PARM1: variants seen among roughly 807,000 people sequenced by gnomAD.
The protein encoded by PARM1 is WSC4, cell wall integrity and stress response component 4 homolog.
A neutral mutation model predicts 24.6 loss-of-function variants in PARM1; 14 were observed. The ratio of observed to expected loss-of-function variants is 0.57; its 90% CI spans 0.38 to 0.89. The LOEUF is 0.89. Ranked by LOEUF, PARM1 falls within the 40% of genes least tolerant of loss-of-function variation. The probability of loss-of-function intolerance (pLI) is 0.00; values close to 1 mark genes in which losing one functional copy is unlikely to be tolerated. For missense variants in PARM1, 362 were observed against 380.4 expected, an observed-to-expected ratio of 0.95 and a Z score of 0.40; for synonymous variants, 179 against 156.6, an observed-to-expected ratio of 1.14 and a Z score of -1.07.
intron 3 of PARM1, among the ~76,000 whole-genome samples, chr4:75,045,182 CA>C (rs1723576646): frequency 6.6e-6 from 1 of 152,118 alleles, no homozygotes; most frequent in South Asian, 2.1e-4. Flanking sequence ...ACAGTCAGTG[CA>C]AAGGCCCTGA....
chr4:74,976,018 A>G (rs550914481), intron 1 of PARM1, among the ~76,000 whole-genome samples: 122 of 152,284 alleles, frequency 8.0e-4, no homozygotes, highest in African/African-American at 2.8e-3. Flanking sequence ...CCTACCCCCA[A>G]CCAAGGGAGG....
intron 1 of PARM1, among the ~76,000 whole-genome samples, chr4:74,984,654 G>A (rs888422358): frequency 2.6e-5 from 4 of 152,192 alleles, no homozygotes; most frequent in Non-Finnish European, 4.4e-5. Context: ...AAAGCATTAA[G>A]TGTAAGAATA....
At chr4:74,995,571 C>T (rs1722559837) in intron 1 of PARM1, among the ~76,000 whole-genome samples, 1 of 152,108 alleles carries the variant, frequency 6.6e-6, no homozygotes, top group South Asian at 2.1e-4. Context: ...ACGGGGTAGT[C>T]TGGCTCCAGA....
chr4:75,001,751 A>G (rs1483097905), intron 1 of PARM1, among the ~76,000 whole-genome samples: 1 of 152,200 alleles, frequency 6.6e-6, no homozygotes, highest in Non-Finnish European at 1.5e-5. Context: ...AGGCACATCA[A>G]TATTACAGAT....
chr4:74,995,903 A>T (rs757325845), intron 1 of PARM1, among the ~76,000 whole-genome samples: 1 of 152,142 alleles, frequency 6.6e-6, no homozygotes, highest in African/African-American at 2.4e-5. Flanking sequence ...CACGTGTCTT[A>T]CAAGGCCCTA....
intron 2 of PARM1, among the ~76,000 whole-genome samples, chr4:75,020,816 C>A (rs1187124237): frequency 6.6e-6 from 1 of 152,166 alleles, no homozygotes; most frequent in East Asian, 1.9e-4. Flanking sequence ...TTCTCACAAC[C>A]CATCACTTCA....
intron 1 of PARM1, among the ~76,000 whole-genome samples, chr4:74,989,395 CACTT>C (rs1560784987): frequency 6.6e-6 from 1 of 152,148 alleles, no homozygotes; most frequent in Non-Finnish European, 1.5e-5. Flanking sequence ...TCCAGGAAAA[CACTT>C]ACATTTACCA....
intron 3 of PARM1, among the ~76,000 whole-genome samples, chr4:75,038,176 A>G (rs1340182362): frequency 6.6e-6 from 1 of 152,176 alleles, no homozygotes; most frequent in Non-Finnish European, 1.5e-5. Flanking sequence ...TGGCCTTCCA[A>G]AGTGCTGGGA....
intron 2 of PARM1, 117 bp from the exon 3 acceptor site, chr4:75,033,766 T>C (rs1578058652): frequency 1.5e-6 from 1 of 663,686 alleles, no homozygotes. Context: ...GAAGTAGCTT[T>C]TCCCCCTTTC....
intron 3 of PARM1, among the ~76,000 whole-genome samples, chr4:75,045,794 A>T (rs1206537491): frequency 6.6e-6 from 1 of 152,204 alleles, no homozygotes; most frequent in Non-Finnish European, 1.5e-5. Context: ...TTTCAGGGAA[A>T]ATTAAGCCCA....
At chr4:74,947,564 A>T (rs1264011170) in intron 1 of PARM1, among the ~76,000 whole-genome samples, 1 of 152,200 alleles carries the variant, frequency 6.6e-6, no homozygotes, top group Non-Finnish European at 1.5e-5. Flanking sequence ...ACATTAAGGT[A>T]TTGTTAATAT....
intron 1 of PARM1, among the ~76,000 whole-genome samples, chr4:74,936,912 G>T (rs1165904948): frequency 6.6e-6 from 1 of 152,012 alleles, no homozygotes; most frequent in Non-Finnish European, 1.5e-5. Context: ...TATTTCTACC[G>T]CCCTGGGTCT....
At chr4:74,949,604 G>C (rs1172643177) in intron 1 of PARM1, among the ~76,000 whole-genome samples, 1 of 152,158 alleles carries the variant, frequency 6.6e-6, no homozygotes, top group East Asian at 1.9e-4. Context: ...GAGCCACTGC[G>C]CCCAGCCTAT....
At chr4:75,018,876 C>T (rs1723036604) in intron 2 of PARM1, among the ~76,000 whole-genome samples, 2 of 152,188 alleles carry the variant, frequency 1.3e-5, no homozygotes, top group African/African-American at 2.4e-5. Context: ...AGACCCAAAG[C>T]CAAGTGTTCC....
intron 1 of PARM1, among the ~76,000 whole-genome samples, chr4:74,952,284 T>C (rs1166059624): frequency 6.6e-6 from 1 of 152,196 alleles, no homozygotes; most frequent in African/African-American, 2.4e-5. Flanking sequence ...TTAATGGGGT[T>C]GTTTATTTTT....
At chr4:74,951,813 A>C (rs971809564) in intron 1 of PARM1, among the ~76,000 whole-genome samples, 7 of 152,208 alleles carry the variant, frequency 4.6e-5, no homozygotes, top group African/African-American at 1.7e-4. Context: ...TGTATGTGCT[A>C]CATTTTCTTT....
chr4:74,998,640 C>T (rs1722620111), intron 1 of PARM1, among the ~76,000 whole-genome samples: 1 of 152,098 alleles, frequency 6.6e-6, no homozygotes, highest in African/African-American at 2.4e-5. Flanking sequence ...AATAGGTTAC[C>T]TTAATAACAT....
chr4:75,002,765 G>A (rs1722704909), intron 1 of PARM1, among the ~76,000 whole-genome samples: 1 of 152,154 alleles, frequency 6.6e-6, no homozygotes. Context: ...AGCATGTCCA[G>A]GTCAGTCTCC....
At chr4:75,002,576 T>G (rs1396827374) in intron 1 of PARM1, among the ~76,000 whole-genome samples, 1 of 152,038 alleles carries the variant, frequency 6.6e-6, no homozygotes, top group Non-Finnish European at 1.5e-5. Flanking sequence ...TAGGAAGGAA[T>G]GAATCACCAC....
Sources: allele counts gnomAD v4.1 joint callset (sites outside exome capture counted in the v4.1 genomes callset), GRCh38; gene constraint gnomAD v4.1.1; transcripts MANE v1.5; gene names NCBI Gene and HGNC (gene_info 2026-07-23, HGNC 2026-07-21).